Variants in YTHDF2 observed in about 807,000 individuals in gnomAD.
The protein encoded by YTHDF2 is YTH N6-methyladenosine RNA binding protein F2.
In YTHDF2, 2 loss-of-function variants were observed where a neutral mutation model predicts 50.4. That is an observed-to-expected ratio of 0.04 (90% confidence interval 0.02 to 0.12). YTHDF2 has a LOEUF of 0.12. YTHDF2 is among the 10% of genes least tolerant of loss of function. The pLI is 1.00. For synonymous variants in YTHDF2, 217 were observed against 255.6 expected, an observed-to-expected ratio of 0.85 and a Z score of 1.44; for missense variants, 483 against 722.6, an observed-to-expected ratio of 0.67 and a Z score of 3.80.
intron 4 of YTHDF2, among the ~76,000 whole-genome samples, chr1:28,754,803 TCAAA>T (rs1056512150): frequency 3.3e-5 from 5 of 151,384 alleles, no homozygotes; most frequent in East Asian, 3.9e-4. Context: ...AAACTTCGTC[TCAAA>T]CAAACAAAAA....
At position 28,742,920 on chromosome 1, in the gene YTHDF2, C is replaced by T; in HGVS notation, c.650C>T (p.Thr217Ile). 6.2e-7 allele frequency: 1 copy of T among 1,614,152 alleles called. No homozygotes were observed. The highest frequency in any genetic ancestry group is 1.3e-5 in the African/African-American group (1 of 75,008). The change falls in exon 4 of 5, where the codon ACT becomes ATT. Residue 217 changes from threonine to isoleucine, a missense_variant. Coordinates refer to ENST00000373812, the MANE Select transcript of YTHDF2 (RefSeq NM_016258.3). The part of the protein sequence containing the change: ...VGSAVGSGSI[T>I]SNIVASNSLP... ...TCTGCTGTTGGTAGCGGGTCCATTA[C>T]TAGTAACATCGTGGCTTCCAATAGT...
At chr1:28,738,404 A>G (rs1158520922) in intron 3 of YTHDF2, 66 bp downstream of exon 3, 14 of 1,292,028 alleles carry the variant, frequency 1.1e-5, no homozygotes, top group Non-Finnish European at 1.1e-5. Flanking sequence ...GCCTTCTACC[A>G]ATAAATCCCA....
intron 4 of YTHDF2, among the ~76,000 whole-genome samples, chr1:28,758,373 CTAA>C (rs1210166040): frequency 1.3e-5 from 2 of 152,116 alleles, no homozygotes; most frequent in Non-Finnish European, 2.9e-5. Flanking sequence ...CTCCAAAAAA[CTAA>C]TAATAATAAA....
At position 28,737,157 on chromosome 1, in the gene YTHDF2, C is replaced by A; in HGVS notation, c.27+10C>A. The A allele has an allele frequency of 6.3e-7, 1 of 1,588,520 alleles. No individual in the cohort carries two copies. The highest frequency in any genetic ancestry group is 8.5e-7 in the Non-Finnish European group (1 of 1,170,152). ...CAGCCTCTTGGAGCAGGTACAGGCC[C>A]GGCCCGCATGCCTCGGCCATTGTGT... On this transcript the variant is annotated intron_variant, in intron 1 of 4. Coordinates refer to ENST00000373812, the MANE Select transcript of YTHDF2 (RefSeq NM_016258.3).
At position 28,743,093 on chromosome 1, in the gene YTHDF2, A is replaced by G. The variant is rs2087804801; in HGVS notation, c.823A>G (p.Ile275Val). 6.2e-6 allele frequency: 10 copies of G among 1,614,182 alleles called. No individual in the cohort carries two copies. The highest frequency in any genetic ancestry group is 2.2e-5 in the East Asian group (1 of 44,886). Residue 275 changes from isoleucine to valine, a missense_variant, in exon 4 of 5, where the codon ATT (isoleucine) becomes GTT (valine). By Grantham distance (29) the Ile-to-Val change is conservative (BLOSUM62 3). Coordinates refer to ENST00000373812, the MANE Select transcript of YTHDF2 (RefSeq NM_016258.3). This position sits in a 1 kb window ranked among gnomAD's most constrained non-coding sequence, Gnocchi z 6.9. ...PPPPIKHNMD[I>V]GTWDNKGPVA... The stretch of plus-strand genomic sequence containing the variant: ...ACCCCCGATAAAGCATAACATGGAT[A>G]TTGGAACTTGGGATAACAAGGGTCC...
At chr1:28,737,618 T>C in intron 1 of YTHDF2, 40 bp from the exon 2 acceptor site, 2 of 1,613,484 alleles carry the variant, frequency 1.2e-6, no homozygotes, top group Non-Finnish European at 1.7e-6. Context: ...ATTTCTCCTT[T>C]GGACAACTTG....
At position 28,737,141 on chromosome 1, in the gene YTHDF2, G is replaced by A; in HGVS notation, c.21G>A (p.Leu7=). MSASSL[L]EQRPKGQGNK... The stretch of plus-strand genomic sequence containing the variant: ...GAGCCATGTCGGCCAGCAGCCTCTT[G>A]GAGCAGGTACAGGCCCGGCCCGCAT... The change falls in exon 1 of 5, where the codon TTG becomes TTA. Residue 7 remains leucine (L), a synonymous_variant. Transcript: ENST00000373812. 1 of 1,600,186 alleles carries A rather than the reference G, an allele frequency of 6.2e-7. No individual in the cohort carries two copies. The highest frequency in any genetic ancestry group is 8.5e-7 in the Non-Finnish European group (1 of 1,175,338).
At chr1:28,764,431 C>T (rs894522367) in intron 4 of YTHDF2, among the ~76,000 whole-genome samples, 10 of 151,732 alleles carry the variant, frequency 6.6e-5, no homozygotes, top group Admixed American at 1.3e-4. Context: ...CCACCACGCC[C>T]GGCTAATTTT....
Position 28,738,363 on chromosome 1 carries a change from C to T in YTHDF2, c.132+25C>T, listed in dbSNP as rs369502597. 113 of 1,558,190 alleles carry T rather than the reference C, an allele frequency of 7.3e-5. 1 individual carries two copies. The South Asian group carries it at 9.8e-4, about 14-fold the overall frequency. On this transcript the variant is annotated intron_variant, in intron 3 of 4. Coordinates refer to ENST00000373812, the MANE Select transcript of YTHDF2 (RefSeq NM_016258.3). ...CGTGAGTAGTTAACTATTTACATAT[C>T]TAATCGAAGGGTGTGGTATATTCTT... is the stretch of plus-strand genomic sequence containing the variant.
At chr1:28,762,645 G>A (rs1347898442) in intron 4 of YTHDF2, among the ~76,000 whole-genome samples, 1 of 152,192 alleles carries the variant, frequency 6.6e-6, no homozygotes, top group East Asian at 1.9e-4. Context: ...AGTGAAGGGA[G>A]AGGGAGGGAT....
At chr1:28,756,502 T>A (rs1439148232) in intron 4 of YTHDF2, among the ~76,000 whole-genome samples, 2 of 152,150 alleles carry the variant, frequency 1.3e-5, no homozygotes, top group Admixed American at 1.3e-4. Flanking sequence ...TGGAACCTCA[T>A]GAATGATTTT....
chr1:28,740,853 G>A lies in YTHDF2; in HGVS notation c.133-1550G>A, dbSNP rs1301113820. ...CGAGTAGCTGGGACTACAGGCGCCCGCCACCATACCTGGCTAATTTTTTGT... is the reference window on the plus strand; with the variant it reads ...CGAGTAGCTGGGACTACAGGCGCCCACCACCATACCTGGCTAATTTTTTGT... On this transcript the variant is annotated intron_variant, in intron 3 of 4. Transcript: ENST00000373812. Among the ~76,000 whole-genome samples, 13 of 151,926 alleles carry A rather than the reference G, an allele frequency of 8.6e-5. No homozygotes were observed. In the East Asian group the frequency reaches 1.7e-3, roughly 20 times the overall value.
At chr1:28,741,639 T>G (rs1182797190) in intron 3 of YTHDF2, among the ~76,000 whole-genome samples, 1 of 152,228 alleles carries the variant, frequency 6.6e-6, no homozygotes, top group Non-Finnish European at 1.5e-5. Flanking sequence ...GCATTTCCTT[T>G]TCAGGTTATA....
intron 4 of YTHDF2, among the ~76,000 whole-genome samples, chr1:28,764,171 G>A (rs1301676291): frequency 3.3e-5 from 5 of 151,080 alleles, no homozygotes; most frequent in South Asian, 2.1e-4. Flanking sequence ...GGCTGGTCTC[G>A]AACTCCCGAC....
In YTHDF2 at chr1:28,738,335, G is replaced by A; in HGVS notation, c.129G>A (p.Arg43=). The part of the protein sequence containing the change: ...DFEPYLSPQA[R]PNNAYTAMSD... ...AACCTTACTTGAGTCCACAGGCAAG[G>A]CCCGTGAGTAGTTAACTATTTACAT... The change falls in exon 3 of 5, where the codon AGG becomes AGA. Residue 43 remains arginine (R), a synonymous_variant. Transcript: ENST00000373812. 1.2e-6 allele frequency: 2 copies of A among 1,613,332 alleles called. No homozygotes were observed. The highest frequency in any genetic ancestry group is 1.7e-6 in the Non-Finnish European group (2 of 1,179,280).
chr1:28,747,252 C>T (rs1437022482), intron 4 of YTHDF2, among the ~76,000 whole-genome samples: 1 of 152,058 alleles, frequency 6.6e-6, no homozygotes, highest in Non-Finnish European at 1.5e-5. Context: ...AATTTAGCGT[C>T]TTTGGTAAGC....
rs376660798 is a variant in YTHDF2 at position 28,743,017 on chromosome 1, G to A, written c.747G>A (p.Gln249=). ...WADIASKPAK[Q]QPKLKTKNGI... ...ATATTGCTAGCAAGCCTGCAAAACA[G>A]CAACCTAAACTGAAGACCAAGAATG... Residue 249 remains glutamine, a synonymous_variant, in exon 4 of 5, where the codon CAG becomes CAA. Coordinates refer to ENST00000373812, the MANE Select transcript of YTHDF2 (RefSeq NM_016258.3). This position sits in a 1 kb window ranked among gnomAD's most constrained non-coding sequence, Gnocchi z 6.9. 16 of 1,614,164 alleles carry A rather than the reference G, an allele frequency of 9.9e-6. No homozygotes were observed. Among genetic ancestry groups the A allele is most frequent in the African/African-American group, 1.3e-5 (1 of 75,024 alleles).
chr1:28,768,856 T>TTA lies in YTHDF2; in HGVS notation c.1717-73_1717-72insTA, dbSNP rs751046620. ...TAATTAAATTTCTGTTGAGTTATTC[T>TTA]GTGAAGTTTTTAAATTCATAAAGCA... On this transcript the variant is annotated intron_variant, in intron 4 of 4. Transcript: ENST00000373812. 1.1e-4 allele frequency: 125 copies of TTA among 1,157,338 alleles called. 1 individual carries two copies. Among genetic ancestry groups the TTA allele is most frequent in the Non-Finnish European group, 1.5e-4 (122 of 807,402 alleles). The allele number at this position is 1,157,338 out of a possible 1,614,324, so 71.7% of individuals were successfully genotyped here.
chr1:28,752,895 A>C (rs1333069653), intron 4 of YTHDF2, among the ~76,000 whole-genome samples: 1 of 151,834 alleles, frequency 6.6e-6, no homozygotes. Flanking sequence ...ATTTAAAAAA[A>C]ATTAACCAGA....
Sources: allele counts gnomAD v4.1 joint callset (sites outside exome capture counted in the v4.1 genomes callset), GRCh38; gene constraint gnomAD v4.1.1; non-coding constraint Gnocchi (gnomAD v3.1); transcripts MANE v1.5; gene names NCBI Gene and HGNC (gene_info 2026-07-23, HGNC 2026-07-21).